CEP350: variants seen among roughly 807,000 people sequenced by gnomAD.
CEP350 encodes centrosomal protein 350.
CEP350 carries 126 observed loss-of-function variants against 331.8 expected under a neutral mutation model. The ratio of observed to expected loss-of-function variants is 0.38; its 90% CI spans 0.33 to 0.44. The LOEUF is 0.44. CEP350 is among the 20% of genes least tolerant of loss of function. CEP350 has a pLI of 1.00. For missense variants in CEP350, 3,406 were observed against 3,634.6 expected (o/e 0.94, Z 1.62); for synonymous variants, 1,200 against 1,259.5 (o/e 0.95, Z 1.00).
chr1:180,006,344 T>G, intron 7 of CEP350, 110 bp from the exon 8 acceptor site: 1 of 641,342 alleles, frequency 1.6e-6, no homozygotes, highest in Admixed American at 2.7e-5. Context: ...TGTAGGTTTC[T>G]TTCTCCCTAC....
intron 10 of CEP350, 90 bp downstream of exon 10, chr1:180,014,595 GT>G: frequency 8.3e-7 from 1 of 1,200,424 alleles, no homozygotes; most frequent in South Asian, 1.7e-5. Context: ...ATCATTCCTA[GT>G]ATGCTCAGAT....
intron 18 of CEP350, 31 bp downstream of exon 18, chr1:180,041,279 T>C: frequency 6.8e-7 from 1 of 1,468,004 alleles, no homozygotes; most frequent in Non-Finnish European, 9.2e-7. Context: ...TTCTTGTTTT[T>C]TAAACCTAAA....
At chr1:179,970,330 A>T (rs1470023733) in intron 1 of CEP350, among the ~76,000 whole-genome samples, 1 of 152,222 alleles carries the variant, frequency 6.6e-6, no homozygotes, top group Non-Finnish European at 1.5e-5. Context: ...AACAGGTGAG[A>T]CTAAATTCTC....
In CEP350 at chr1:180,098,870, T is replaced by C. The variant is rs774309324; in HGVS notation, c.9074T>C (p.Ile3025Thr). 5 of 1,612,754 alleles carry C rather than the reference T, an allele frequency of 3.1e-6. No individual in the cohort carries two copies. In the African/African-American group the frequency reaches 6.7e-5, roughly 22 times the overall value. ...PNNLDEIKSFIASEVLKLFSL... is the reference protein window; with the variant it reads ...PNNLDEIKSFTASEVLKLFSL... ...TTTGTCTTGTTTCCACAGAGCTTCA[T>C]AGCAAGTGAAGTACTCAAGTTGTTC... The change falls in exon 37 of 38, where the codon ATA (isoleucine) becomes ACA (threonine). Residue 3025 changes from isoleucine (I) to threonine (T), a missense_variant. Around this residue, in one of 5 missense-constraint regions of CEP350, gnomAD observed 1,415 missense variants for 1,512.3 expected, o/e 0.94. Transcript: ENST00000367607.
chr1:180,003,572 T>C (rs1378650684), intron 7 of CEP350, among the ~76,000 whole-genome samples: 3 of 152,134 alleles, frequency 2.0e-5, no homozygotes, highest in Admixed American at 2.0e-4. Flanking sequence ...TAGCAGAATT[T>C]AGTTGAAGTT....
At chr1:179,972,978 C>T (rs1651568344) in intron 1 of CEP350, among the ~76,000 whole-genome samples, 1 of 151,964 alleles carries the variant, frequency 6.6e-6, no homozygotes, top group Admixed American at 6.6e-5. Flanking sequence ...CGCCATTCTC[C>T]TGCCTCAGCC....
intron 1 of CEP350, among the ~76,000 whole-genome samples, chr1:179,957,531 A>G (rs766632594): frequency 3.1e-4 from 47 of 152,206 alleles, no homozygotes; most frequent in Non-Finnish European, 5.0e-4. Flanking sequence ...TTTAATCACT[A>G]TTATGCACCC....
intron 5 of CEP350, 91 bp downstream of exon 5, chr1:179,992,312 C>A: frequency 9.3e-7 from 1 of 1,072,946 alleles, no homozygotes; most frequent in Non-Finnish European, 1.3e-6. Flanking sequence ...TTTTTTATAG[C>A]ACTCTGGTTG....
chr1:180,091,874 G>A (rs1387744902), intron 33 of CEP350, among the ~76,000 whole-genome samples: 2 of 151,634 alleles, frequency 1.3e-5, no homozygotes, highest in African/African-American at 2.4e-5. Flanking sequence ...AAACTGAGGT[G>A]CAAAGAAACA....
intron 7 of CEP350, among the ~76,000 whole-genome samples, chr1:180,005,791 T>C (rs114230907): frequency 1.4e-4 from 21 of 152,292 alleles, no homozygotes; most frequent in African/African-American, 5.1e-4. Context: ...GCTTGCTGGG[T>C]TTCTTTTTAG....
chr1:179,998,895 G>A (rs1221486840), intron 6 of CEP350, among the ~76,000 whole-genome samples: 1 of 151,814 alleles, frequency 6.6e-6, no homozygotes, highest in Non-Finnish European at 1.5e-5. Context: ...GTGAGAAATT[G>A]TGATCAATTC....
chr1:179,985,321 A>G (rs1189110909), intron 1 of CEP350, among the ~76,000 whole-genome samples: 3 of 152,328 alleles, frequency 2.0e-5, no homozygotes, highest in African/African-American at 7.2e-5. Flanking sequence ...GTTATAGCAC[A>G]TATCAGATTT....
intron 17 of CEP350, among the ~76,000 whole-genome samples, chr1:180,039,759 C>T (rs76787364): frequency 3.5e-4 from 53 of 151,638 alleles, no homozygotes; most frequent in African/African-American, 1.1e-3. Flanking sequence ...TTTGCATTTC[C>T]GTGTAACTTT....
At chr1:180,003,404 G>C in intron 7 of CEP350, 117 bp downstream of exon 7, 1 of 691,316 alleles carries the variant, frequency 1.4e-6, no homozygotes, top group Non-Finnish European at 2.4e-6. Context: ...TAACTGCATG[G>C]CATGCTGAAG....
chr1:180,062,067 C>T (rs1004229398), intron 25 of CEP350, among the ~76,000 whole-genome samples, 153 bp from the exon 26 acceptor site: 1 of 151,740 alleles, frequency 6.6e-6, no homozygotes, highest in Non-Finnish European at 1.5e-5. Flanking sequence ...TATTTCCTCC[C>T]TCACTATTTT....
chr1:180,062,127 A>G (rs953239836), intron 25 of CEP350, 93 bp from the exon 26 acceptor site: 1 of 1,161,776 alleles, frequency 8.6e-7, no homozygotes, highest in African/African-American at 1.6e-5. Flanking sequence ...ATATGTATTT[A>G]TTTTTAATAT....
At chr1:180,034,335 C>A (rs532097721) in intron 16 of CEP350, among the ~76,000 whole-genome samples, 1 of 152,126 alleles carries the variant, frequency 6.6e-6, no homozygotes, top group Non-Finnish European at 1.5e-5. Flanking sequence ...CATATGTGCA[C>A]TCCTGTTTAT....
At chr1:180,002,946 G>A (rs1221464494) in intron 6 of CEP350, among the ~76,000 whole-genome samples, 1 of 152,162 alleles carries the variant, frequency 6.6e-6, no homozygotes, top group African/African-American at 2.4e-5. Flanking sequence ...GGTCATATGA[G>A]GAGTGACTGC....
chr1:180,071,463 A>G (rs1328820910), intron 27 of CEP350, among the ~76,000 whole-genome samples: 1 of 150,952 alleles, frequency 6.6e-6, no homozygotes, highest in African/African-American at 2.4e-5. Flanking sequence ...CCATCTCAAA[A>G]AAAAAAAAAA....
Sources: gnomAD v4.1 joint callset for allele counts (sites outside exome capture counted in the v4.1 genomes callset) on GRCh38, gnomAD v4.1.1 for gene constraint, gnomAD v4.1.1 regional missense constraint, MANE v1.5 for transcripts, NCBI Gene and HGNC (gene_info 2026-07-23, HGNC 2026-07-21) for gene names.